COLGALT1: variants seen among roughly 807,000 people sequenced by gnomAD.
The protein encoded by COLGALT1 is procollagen galactosyltransferase 1.
Under a neutral mutation model 60.8 loss-of-function variants are expected in COLGALT1, and 43 were observed. The ratio of observed to expected loss-of-function variants is 0.71; its 90% confidence interval spans 0.55 to 0.91. COLGALT1 has a LOEUF of 0.91. Ranked by LOEUF, COLGALT1 falls within the 40% of genes least tolerant of loss-of-function variation. COLGALT1 has a pLI of 0.00. For synonymous variants in COLGALT1, 369 were observed against 374.2 expected (o/e 0.99, Z 0.16); for missense variants, 845 against 880.0 (o/e 0.96, Z 0.50).
rs1431521982 is a variant in COLGALT1 at position 17,555,892 on chromosome 19, CGCGAAACGCG to C, written c.182_191del (p.Arg61ProfsTer45). ...CCGCGCGTGCTCATCGCGCTGTTGGCGCGAAACGCGGCCCACGCGTTGCCCACCACGCTGG... is the reference window on the plus strand; with the variant it reads ...CCGCGCGTGCTCATCGCGCTGTTGGCGCCCACGCGTTGCCCACCACGCTGG... On this transcript the variant is annotated frameshift_variant, in exon 1 of 12. Coordinates refer to ENST00000252599, the MANE Select transcript of COLGALT1 (RefSeq NM_024656.4). LOFTEE classifies it high-confidence loss of function. 7.2e-7 allele frequency: 1 copy of C among 1,394,192 alleles called. No individual in the cohort carries two copies. Among genetic ancestry groups the C allele is most frequent in the Non-Finnish European group, 9.3e-7 (1 of 1,072,672 alleles). 86.4% of individuals were successfully genotyped at this position (1,394,192 alleles called of 1,614,324 possible).
At position 17,561,877 on chromosome 19, in the gene COLGALT1, T is replaced by G. The variant is rs145712445; in HGVS notation, c.489+1412T>G. 1.2e-4 allele frequency among the ~76,000 whole-genome samples: 18 copies of G among 152,222 alleles called. No individual in the cohort carries two copies. In the East Asian group the frequency reaches 3.5e-3, roughly 29 times the overall value. The stretch of plus-strand genomic sequence containing the variant: ...ACTTTTCTATATTCTCCTGATTTTC[T>G]TTTTTCTTGTTTTTTGAGACAGAGT... On this transcript the variant is annotated intron_variant, in intron 3 of 11. Transcript: ENST00000252599.
At position 17,560,360 on chromosome 19, in the gene COLGALT1, C is replaced by A; in HGVS notation, c.384C>A (p.Asp128Glu). The change falls in exon 3 of 12, where the codon GAC becomes GAA. Residue 128 changes from aspartate (D) to glutamate (E), a missense_variant. By Grantham distance (45) the Asp-to-Glu change is conservative (BLOSUM62 2). Coordinates refer to ENST00000252599, the MANE Select transcript of COLGALT1 (RefSeq NM_024656.4). Reference protein sequence around the residue: ...RPAEEPRSYPDEEGPKHWSDS... With the variant: ...RPAEEPRSYPEEEGPKHWSDS... ...TGCCTCCCCATAGGTCCTACCCGGA[C>A]GAGGAAGGCCCGAAACACTGGTCTG... The A allele has an allele frequency of 6.2e-7, 1 of 1,613,984 alleles. No individual in the cohort carries two copies.
rs2076286036 is a variant in COLGALT1, at chr19:17,567,447, G to A, written c.531G>A (p.Leu177=). ...ADNLILNPDT[L]SLLIAENKTV... Reference sequence around the variant, plus strand: ...ACCTGATCCTCAACCCTGACACACTGAGCCTGCTCATCGCTGAGAACAAGA... The same window carrying A: ...ACCTGATCCTCAACCCTGACACACTAAGCCTGCTCATCGCTGAGAACAAGA... The change falls in exon 4 of 12, where the codon CTG becomes CTA. Residue 177 remains leucine (L), a synonymous_variant. Transcript: ENST00000252599. 6.2e-7 allele frequency: 1 copy of A among 1,614,060 alleles called. No homozygotes were observed. The highest frequency in any genetic ancestry group is 1.7e-5 in the Admixed American group (1 of 60,014).
At chr19:17,576,631 G>C (rs1207419670) in intron 6 of COLGALT1, among the ~76,000 whole-genome samples, 1 of 148,804 alleles carries the variant, frequency 6.7e-6, no homozygotes, top group Non-Finnish European at 1.5e-5. Context: ...TAGAAGCGGG[G>C]CTGGGGGTCG....
chr19:17,575,662 A>T (rs1378134499), intron 6 of COLGALT1, among the ~76,000 whole-genome samples: 12 of 151,354 alleles, frequency 7.9e-5, no homozygotes. Flanking sequence ...TACAGGCATG[A>T]ACCACTGTGC....
At chr19:17,557,150 C>T (rs1168034487) in intron 1 of COLGALT1, among the ~76,000 whole-genome samples, 2 of 152,158 alleles carry the variant, frequency 1.3e-5, no homozygotes, top group Non-Finnish European at 2.9e-5. Flanking sequence ...CTTTTCCTTC[C>T]ACCTGATTTC....
At chr19:17,572,732 A>G (rs948786915) in intron 6 of COLGALT1, 130 bp downstream of exon 6, 11 of 1,340,268 alleles carry the variant, frequency 8.2e-6, no homozygotes, top group East Asian at 2.5e-5. Flanking sequence ...GCTGGGTGCA[A>G]CGGCACGTGT....
rs1285061015 is a variant in COLGALT1 at position 17,555,912 on chromosome 19, T to C, written c.199T>C (p.Leu67=). The stretch of plus-strand genomic sequence containing the variant: ...GTTGGCGCGAAACGCGGCCCACGCG[T>C]TGCCCACCACGCTGGGCGCACTCGA... The part of the protein sequence containing the change: ...ALLARNAAHA[L]PTTLGALERL... Residue 67 remains leucine, a synonymous_variant, in exon 1 of 12, where the codon TTG becomes CTG. Coordinates refer to ENST00000252599, the MANE Select transcript of COLGALT1 (RefSeq NM_024656.4). 7.1e-7 allele frequency: 1 copy of C among 1,400,340 alleles called. No individual in the cohort carries two copies. The highest frequency in any genetic ancestry group is 9.3e-7 in the Non-Finnish European group (1 of 1,076,552). 86.7% of individuals were successfully genotyped at this position (1,400,340 alleles called of 1,614,324 possible).
At position 17,555,681 on chromosome 19, in the gene COLGALT1, C is replaced by T. The variant is rs2076205469; in HGVS notation, c.-33C>T. The T allele has an allele frequency of 1.7e-6, 2 of 1,178,546 alleles. No individual in the cohort carries two copies. Among genetic ancestry groups the T allele is most frequent in the African/African-American group, 1.6e-5 (1 of 62,294 alleles). The allele number at this position is 1,178,546 out of a possible 1,614,324, so 73.0% of individuals were successfully genotyped here. On this transcript the variant is annotated 5_prime_UTR_variant, in exon 1 of 12. Coordinates refer to ENST00000252599, the MANE Select transcript of COLGALT1 (RefSeq NM_024656.4). Reference sequence around the variant, plus strand: ...TTAAGGCGCGGCCAGAGTCCTCCCGCAGAAAAACGACTTAAAGGAGACGCG... The same window carrying T: ...TTAAGGCGCGGCCAGAGTCCTCCCGTAGAAAAACGACTTAAAGGAGACGCG...
chr19:17,555,872 C>A lies in COLGALT1; in HGVS notation c.159C>A (p.Arg53=). ...WSPESPLQAP[R]VLIALLARNA... ...CGGAGTCGCCCCTGCAGGCGCCGCG[C>A]GTGCTCATCGCGCTGTTGGCGCGAA... Residue 53 remains arginine, a synonymous_variant, in exon 1 of 12, where the codon CGC becomes CGA. Coordinates refer to ENST00000252599, the MANE Select transcript of COLGALT1 (RefSeq NM_024656.4). The A allele has an allele frequency of 7.2e-7, 1 of 1,380,498 alleles. No individual in the cohort carries two copies. The highest frequency in any genetic ancestry group is 9.4e-7 in the Non-Finnish European group (1 of 1,063,358). The allele number at this position is 1,380,498 out of a possible 1,614,324, so 85.5% of individuals were successfully genotyped here. A position where few individuals can be genotyped will look rare whatever the true frequency, so the allele number is the denominator to read the frequency against.
At chr19:17,562,367 C>T (rs886552833) in intron 3 of COLGALT1, among the ~76,000 whole-genome samples, 1 of 151,998 alleles carries the variant, frequency 6.6e-6, no homozygotes, top group Non-Finnish European at 1.5e-5. Context: ...TTGAGATTTT[C>T]AGAAGCCTCT....
At chr19:17,578,534 G>A (rs1030687516) in intron 9 of COLGALT1, among the ~76,000 whole-genome samples, 1 of 152,162 alleles carries the variant, frequency 6.6e-6, no homozygotes, top group Non-Finnish European at 1.5e-5. Context: ...ATTGGAGGAG[G>A]GTGTCTGACT....
intron 4 of COLGALT1, 133 bp downstream of exon 4, chr19:17,567,673 T>A: frequency 9.8e-7 from 1 of 1,024,790 alleles, no homozygotes; most frequent in Non-Finnish European, 1.4e-6. Flanking sequence ...GCACGGTGGC[T>A]CACACCTGTA....
intron 8 of COLGALT1, among the ~76,000 whole-genome samples, 190 bp from the exon 9 acceptor site, chr19:17,577,767 A>T (rs1157368381): frequency 6.6e-6 from 1 of 151,928 alleles, no homozygotes; most frequent in African/African-American, 2.4e-5. Context: ...CCAGGAGAGG[A>T]GGAGAGCAGG....
chr19:17,580,793 C>G lies in COLGALT1; in HGVS notation c.1489C>G (p.Leu497Val), dbSNP rs769398603. ...GGAGGCCGACTATTCCTACTGGACC[C>G]TGGCCTACGTGATCTCCCTGCAAGG... ...LVEADYSYWT[L>V]AYVISLQGAR... Residue 497 changes from leucine to valine, a missense_variant, in exon 11 of 12, where the codon CTG becomes GTG. Coordinates refer to ENST00000252599, the MANE Select transcript of COLGALT1 (RefSeq NM_024656.4). 1.2e-6 allele frequency: 2 copies of G among 1,614,088 alleles called. No individual in the cohort carries two copies. The highest frequency in any genetic ancestry group is 1.7e-6 in the Non-Finnish European group (2 of 1,180,008).
chr19:17,564,413 C>CTT (rs71162155), intron 3 of COLGALT1, among the ~76,000 whole-genome samples: 38 of 104,204 alleles, frequency 3.6e-4, no homozygotes, highest in African/African-American at 4.5e-4. Context: ...AAAACATCTA[C>CTT]TTTTTTTTTT....
chr19:17,560,667 A>G (rs181349695), intron 3 of COLGALT1, among the ~76,000 whole-genome samples: 1 of 152,272 alleles, frequency 6.6e-6, no homozygotes, highest in African/African-American at 2.4e-5. Flanking sequence ...CCTCAGCACT[A>G]GGAATGAATG....
rs1490633680 is a variant in COLGALT1 at position 17,562,843 on chromosome 19, A to G, written c.489+2378A>G. ...CTGGATGTGAAGGTGCCAGGGAGAG[A>G]GGAACGGGGACAGTGCCACATCTAG... On this transcript the variant is annotated intron_variant, in intron 3 of 11. Transcript: ENST00000252599. 2.6e-5 allele frequency among the ~76,000 whole-genome samples: 4 copies of G among 152,092 alleles called. No homozygotes were observed. In the East Asian group the frequency reaches 7.7e-4, roughly 29 times the overall value.
intron 3 of COLGALT1, among the ~76,000 whole-genome samples, chr19:17,565,162 A>T (rs1363738381): frequency 9.9e-5 from 15 of 151,152 alleles, no homozygotes; most frequent in African/African-American, 1.7e-4. Context: ...GGCTGTTGAG[A>T]CTTTTTTTTT....
Sources: allele counts gnomAD v4.1 joint callset (sites outside exome capture counted in the v4.1 genomes callset), GRCh38; gene constraint gnomAD v4.1.1; transcripts MANE v1.5; gene names NCBI Gene and HGNC (gene_info 2026-07-23, HGNC 2026-07-21).